TTC17: variants seen among roughly 807,000 people sequenced by gnomAD.
TTC17 encodes tetratricopeptide repeat protein 17.
TTC17 carries 58 observed loss-of-function variants against 143.8 expected under a neutral mutation model. That is an observed-to-expected ratio of 0.40 (90% CI 0.33 to 0.50). TTC17 has a LOEUF of 0.50. TTC17 is among the 20% of genes least tolerant of loss of function. TTC17 has a pLI of 0.49. For missense variants in TTC17, 1,273 were observed against 1,392.5 expected, an observed-to-expected ratio of 0.91 and a Z score of 1.37; for synonymous variants, 501 against 497.8, an observed-to-expected ratio of 1.01 and a Z score of -0.09.
At position 43,391,738 on chromosome 11, in the gene TTC17, A is replaced by G. The variant is rs1857397876; in HGVS notation, c.532-83A>G. On this transcript the variant is annotated intron_variant, in intron 4 of 23. Transcript: ENST00000039989. The stretch of plus-strand genomic sequence containing the variant: ...TAAAATTCCAAAATATTAGTATTTC[A>G]AAATAAACACTACAAGATACTGAAT... 2.0e-6 allele frequency: 3 copies of G among 1,513,762 alleles called. No individual in the cohort carries two copies. In the Admixed American group the frequency reaches 6.9e-5, roughly 35 times the overall value. 93.8% of individuals were successfully genotyped at this position (1,513,762 alleles called of 1,614,324 possible).
At chr11:43,444,712 A>C (rs1947500423) in intron 18 of TTC17, among the ~76,000 whole-genome samples, 1 of 134,082 alleles carries the variant, frequency 7.5e-6, no homozygotes, top group African/African-American at 2.9e-5. Flanking sequence ...TAGGCAGTTC[A>C]CCAAATACAT....
chr11:43,377,182 A>G (rs1377567694), intron 1 of TTC17, among the ~76,000 whole-genome samples: 1 of 152,058 alleles, frequency 6.6e-6, no homozygotes, highest in Admixed American at 6.6e-5. Context: ...AATCCCAGCT[A>G]CTCGGGAGGC....
intron 21 of TTC17, among the ~76,000 whole-genome samples, chr11:43,482,673 CAT>C (rs1948309511): frequency 6.6e-6 from 1 of 152,014 alleles, no homozygotes; most frequent in African/African-American, 2.4e-5. Context: ...TTAGGTAGAG[CAT>C]TTTAGAAATA....
At chr11:43,378,792 T>C (rs188424172) in intron 1 of TTC17, 1 of 159,946 alleles carries the variant, frequency 6.3e-6, no homozygotes, top group Non-Finnish European at 1.4e-5. Flanking sequence ...ATCTTTGATT[T>C]ATGACTTCTA....
At chr11:43,473,596 CG>C (rs1948129310) in intron 21 of TTC17, among the ~76,000 whole-genome samples, 2 of 152,036 alleles carry the variant, frequency 1.3e-5, no homozygotes, top group African/African-American at 4.8e-5. Flanking sequence ...TGAAATGGGC[CG>C]GGCACAGTAG....
chr11:43,414,515 A>G, intron 15 of TTC17, 75 bp from the exon 16 acceptor site: 5 of 1,489,826 alleles, frequency 3.4e-6, no homozygotes, highest in Non-Finnish European at 4.5e-6. Context: ...GCCAAAAGCC[A>G]TATACTGTAA....
intron 16 of TTC17, among the ~76,000 whole-genome samples, chr11:43,422,601 T>C (rs565831268): frequency 9.2e-5 from 14 of 152,242 alleles, no homozygotes; most frequent in South Asian, 6.2e-4. Context: ...AGAAAAACCA[T>C]TGAAGTATTT....
At chr11:43,378,084 A>G (rs750341542) in intron 1 of TTC17, among the ~76,000 whole-genome samples, 33 of 152,012 alleles carry the variant, frequency 2.2e-4, no homozygotes, top group Non-Finnish European at 4.0e-4. Flanking sequence ...TATATTTTTA[A>G]TAGAGATGAG....
chr11:43,390,774 A>G (rs1219743212), intron 3 of TTC17, among the ~76,000 whole-genome samples: 2 of 152,162 alleles, frequency 1.3e-5, no homozygotes, highest in Admixed American at 1.3e-4. Flanking sequence ...AATTATCAAA[A>G]AAGTACAAAT....
At chr11:43,377,710 A>G (rs1166171428) in intron 1 of TTC17, among the ~76,000 whole-genome samples, 1 of 152,130 alleles carries the variant, frequency 6.6e-6, no homozygotes, top group African/African-American at 2.4e-5. Context: ...CTTCCTCACA[A>G]TTGAATGTTG....
chr11:43,374,875 C>T (rs562881864), intron 1 of TTC17, among the ~76,000 whole-genome samples: 38 of 151,994 alleles, frequency 2.5e-4, no homozygotes, highest in Admixed American at 3.9e-4. Context: ...ACAGAACTAC[C>T]ATTTGATCCA....
intron 11 of TTC17, among the ~76,000 whole-genome samples, chr11:43,405,095 T>C (rs1858052043): frequency 8.4e-6 from 1 of 119,384 alleles, no homozygotes; most frequent in Non-Finnish European, 1.6e-5. Context: ...CTTCTTTTTC[T>C]TTTTTTTTTT....
intron 8 of TTC17, among the ~76,000 whole-genome samples, chr11:43,398,828 T>C (rs1857725076): frequency 6.6e-6 from 1 of 152,236 alleles, no homozygotes; most frequent in Non-Finnish European, 1.5e-5. Flanking sequence ...ATTAAACTTT[T>C]GTATTTGCTT....
At chr11:43,446,488 C>T in intron 18 of TTC17, 1 of 393,308 alleles carries the variant, frequency 2.5e-6, no homozygotes, top group Admixed American at 6.4e-5. Context: ...CCCCTTATAA[C>T]AGGTGCTCAA....
chr11:43,409,095 T>A (rs1266673233), intron 15 of TTC17, among the ~76,000 whole-genome samples: 1 of 152,190 alleles, frequency 6.6e-6, no homozygotes, highest in Non-Finnish European at 1.5e-5. Context: ...AAATTTTTCC[T>A]TATAAGCATG....
At chr11:43,440,332 C>T (rs549639860) in intron 16 of TTC17, among the ~76,000 whole-genome samples, 1 of 152,250 alleles carries the variant, frequency 6.6e-6, no homozygotes, top group African/African-American at 2.4e-5. Flanking sequence ...TCTACAATTC[C>T]AACTCTTTAT....
chr11:43,399,733 A>G (rs760077272), intron 8 of TTC17, among the ~76,000 whole-genome samples, 155 bp from the exon 9 acceptor site: 3 of 152,202 alleles, frequency 2.0e-5, no homozygotes, highest in African/African-American at 4.8e-5. Context: ...TTTTTGCCCT[A>G]GTATTCTTGA....
intron 5 of TTC17, 145 bp downstream of exon 5, chr11:43,392,097 G>A: frequency 1.0e-6 from 1 of 954,680 alleles, no homozygotes; most frequent in Non-Finnish European, 1.5e-6. Context: ...GATGCAAATT[G>A]CATAGTTCAG....
At position 43,446,225 on chromosome 11, in the gene TTC17, C is replaced by A. The variant is rs886346847; in HGVS notation, c.2666-1777C>A. On this transcript the variant is annotated intron_variant, in intron 18 of 23. Transcript: ENST00000039989. ...CTCTGCCTGGAATGCCCTGTGCCCC[C>A]TCTGCCCTCTGCCGTGCTAAAATAT... The A allele has an allele frequency of 8.3e-5, 100 of 1,210,926 alleles. No individual in the cohort carries two copies. The Middle Eastern group carries it at 2.2e-3, about 26-fold the overall frequency. 75.0% of individuals were successfully genotyped at this position (1,210,926 alleles called of 1,614,324 possible). A position where few individuals can be genotyped will look rare whatever the true frequency, so the allele number is the denominator to read the frequency against.
Sources: gnomAD v4.1 joint callset for allele counts (sites outside exome capture counted in the v4.1 genomes callset) on GRCh38, gnomAD v4.1.1 for gene constraint, MANE v1.5 for transcripts, NCBI Gene and HGNC (gene_info 2026-07-23, HGNC 2026-07-21) for gene names.